The following ZNF106 variants were observed in gnomAD, a reference collection of about 807,000 sequenced individuals.
ZNF106 encodes SH3-domain binding protein 3.
In ZNF106, 67 loss-of-function variants were observed where a neutral mutation model predicts 195.1. The observed-to-expected ratio is 0.34, with a 90% CI of 0.28 to 0.42. ZNF106 has a LOEUF of 0.42. Among genes scored for constraint, ZNF106 ranks in the 10% least tolerant of loss-of-function variants. The probability of loss-of-function intolerance (pLI) is 1.00; values close to 1 mark genes in which losing one functional copy is unlikely to be tolerated. For missense variants in ZNF106, 2,118 were observed against 2,304.5 expected (o/e 0.92, Z 1.66); for synonymous variants, 784 against 818.6 (o/e 0.96, Z 0.72).
In ZNF106 at chr15:42,421,963, C is replaced by G; in HGVS notation, c.5399G>C (p.Gly1800Ala). The change falls in exon 19 of 22, where the codon GGA becomes GCA. Residue 1800 changes from glycine (G) to alanine (A), a missense_variant. Transcript: ENST00000564754. ...LQSHDRLQVYGGHKDMIMCMT... is the reference protein window; with the variant it reads ...LQSHDRLQVYAGHKDMIMCMT... Reference sequence around the variant, plus strand: ...ACACATAATCATGTCTTTGTGTCCTCCATAAACTTGTAATCGATCATGAGA... The same window carrying G: ...ACACATAATCATGTCTTTGTGTCCTGCATAAACTTGTAATCGATCATGAGA... The G allele has an allele frequency of 6.3e-7, 1 of 1,584,900 alleles. No individual in the cohort carries two copies. The highest frequency in any genetic ancestry group is 8.6e-7 in the Non-Finnish European group (1 of 1,163,922).
rs772820110 is a variant in ZNF106 at position 42,445,027 on chromosome 15, C to G, written c.3206-46G>C. 8.7e-6 allele frequency: 14 copies of G among 1,607,582 alleles called. No homozygotes were observed. The South Asian group carries it at 1.6e-4, about 18-fold the overall frequency. ...GTTCAGGTTAATACGAGAGATTTCCCTCTCATCACACAGCTCAGAAGACTA... is the reference window on the plus strand; with the variant it reads ...GTTCAGGTTAATACGAGAGATTTCCGTCTCATCACACAGCTCAGAAGACTA... On this transcript the variant is annotated intron_variant, in intron 7 of 21. Coordinates refer to ENST00000564754, the MANE Select transcript of ZNF106 (RefSeq NM_001366845.3).
At position 42,415,621 on chromosome 15, in the gene ZNF106, CAG is replaced by C. The variant is rs1030861286; in HGVS notation, c.*1681_*1682del. 5 of 359,816 alleles carry C rather than the reference CAG, an allele frequency of 1.4e-5. 1 individual carries two copies. Among genetic ancestry groups the C allele is most frequent in the South Asian group, 4.4e-5 (2 of 45,940 alleles). The allele number at this position is 359,816 out of a possible 1,614,324, so 22.3% of individuals were successfully genotyped here. A position where few individuals can be genotyped will look rare whatever the true frequency, so the allele number is the denominator to read the frequency against. On this transcript the variant is annotated 3_prime_UTR_variant, in exon 22 of 22. Coordinates refer to ENST00000564754, the MANE Select transcript of ZNF106 (RefSeq NM_001366845.3). Reference sequence around the variant, plus strand: ...ATGTGAGTGGATATATGTGCACTAACAGGGGCGAAGACAGACCTGGATGGTCT... The same window carrying C: ...ATGTGAGTGGATATATGTGCACTAACGGGCGAAGACAGACCTGGATGGTCT...
In ZNF106 at chr15:42,413,346, T is replaced by C. The variant is rs2054333410; in HGVS notation, c.*3958A>G. ...CTCTTAAACCCGAGGAACCTGATGA[T>C]TTGGGGGCAGGGATAAAACCATTAT... is the stretch of plus-strand genomic sequence containing the variant. On this transcript the variant is annotated 3_prime_UTR_variant, in exon 22 of 22. Transcript: ENST00000564754. The C allele has an allele frequency of 6.6e-6, 1 of 152,140 alleles. No homozygotes were observed. Among genetic ancestry groups the C allele is most frequent in the South Asian group, 2.1e-4 (1 of 4,824 alleles). The allele number at this position is 152,140 out of a possible 1,614,324, so 9.4% of individuals were successfully genotyped here.
chr15:42,484,555 C>A (rs2056968063), intron 1 of ZNF106, among the ~76,000 whole-genome samples: 1 of 151,952 alleles, frequency 6.6e-6, no homozygotes, highest in South Asian at 2.1e-4. Flanking sequence ...GCCTGGCCAA[C>A]ATAGTGAAAT....
In ZNF106 at chr15:42,439,374, A is replaced by C; in HGVS notation, c.4203T>G (p.Thr1401=). 6.2e-7 allele frequency: 1 copy of C among 1,614,100 alleles called. No homozygotes were observed. The change falls in exon 11 of 22, where the codon ACT becomes ACG. Residue 1401 remains threonine, a synonymous_variant. Transcript: ENST00000564754. ...CTTTTACTTTCCTTACAGGTTTAAC[A>C]GTCAAAACATCCTGTTCAGTGTCAC... ...ENSDTEQDVL[T]VKPVRKVKAG... is the part of the protein sequence containing the mutation.
chr15:42,428,850 A>G (rs1318655614), intron 14 of ZNF106, among the ~76,000 whole-genome samples: 4 of 151,230 alleles, frequency 2.6e-5, no homozygotes, highest in Non-Finnish European at 5.9e-5. Context: ...TGCAAGCTCC[A>G]CCTCCCCGGT....
Position 42,472,227 on chromosome 15 carries a change from C to G in ZNF106, c.54+9G>C. 1 of 1,534,066 alleles carries G rather than the reference C, an allele frequency of 6.5e-7. No homozygotes were observed. Among genetic ancestry groups the G allele is most frequent in the Non-Finnish European group, 8.7e-7 (1 of 1,145,896 alleles). On this transcript the variant is annotated intron_variant, in intron 2 of 21. Transcript: ENST00000564754. ...ATAAAGCCTCAGATTCTCCCTCTTC[C>G]ATTATTACCTTTTTTGAGCTGTACA...
chr15:42,424,986 G>A lies in ZNF106; in HGVS notation c.5038C>T (p.Arg1680Trp), dbSNP rs745440803. The change falls in exon 16 of 22, where the codon CGG (arginine) becomes TGG (tryptophan). Residue 1680 changes from arginine to tryptophan, a missense_variant. By Grantham distance (101) the Arg-to-Trp change is moderately radical (BLOSUM62 -3). Transcript: ENST00000564754. ...GCTGTAGCAAGACAGCTGACTGCCC[G>A]AGGGCCATGGCATTCAAAGATCTCA... ...RLEIFECHGP[R>W]AVSCLATAQE... The A allele has an allele frequency of 6.2e-6, 10 of 1,614,070 alleles. No individual in the cohort carries two copies. The highest frequency in any genetic ancestry group is 8.5e-6 in the Non-Finnish European group (10 of 1,180,050).
At chr15:42,452,076 G>C in intron 4 of ZNF106, 122 bp from the exon 5 acceptor site, 2 of 1,047,992 alleles carry the variant, frequency 1.9e-6, no homozygotes. Context: ...AACCGAGTCT[G>C]GTTTTATATC....
chr15:42,437,288 C>T lies in ZNF106; in HGVS notation c.4690G>A (p.Gly1564Arg), dbSNP rs1051422134. The change falls in exon 13 of 22, where the codon GGG becomes AGG. Residue 1564 changes from glycine (G) to arginine (R), a missense_variant. Transcript: ENST00000564754. ...QAAVNAIQIF[G>R]NLLYTCSADK... ...GCTGAACAGGTATATAGCAAGTTCC[C>T]AAATATCTGAATTGCATTTACGGCA... 6.2e-7 allele frequency: 1 copy of T among 1,614,102 alleles called. No individual in the cohort carries two copies. Among genetic ancestry groups the T allele is most frequent in the Admixed American group, 1.7e-5 (1 of 60,016 alleles).
chr15:42,457,624 A>T (rs1209718737), intron 3 of ZNF106: 1 of 788,404 alleles, frequency 1.3e-6, no homozygotes, highest in Non-Finnish European at 1.6e-6. Flanking sequence ...TAGGTGGCGC[A>T]GCCAATCCCA....
chr15:42,417,338 C>T lies in ZNF106; in HGVS notation c.5687G>A (p.Arg1896Gln), dbSNP rs2054493873. ...AATTTTGCTGTCATCTTCAGCATGT[C>T]GTTCAATATGTCCTGCAGCATCCTA... is the stretch of plus-strand genomic sequence containing the variant. ...SKQDAAGHIE[R>Q]HAEDDSKIDS The change falls in exon 22 of 22, where the codon CGA becomes CAA. Residue 1896 changes from arginine to glutamine, a missense_variant. Coordinates refer to ENST00000564754, the MANE Select transcript of ZNF106 (RefSeq NM_001366845.3). The T allele has an allele frequency of 1.2e-6, 2 of 1,614,006 alleles. No individual in the cohort carries two copies. Among genetic ancestry groups the T allele is most frequent in the Non-Finnish European group, 8.5e-7 (1 of 1,179,996 alleles).
chr15:42,451,609 A>T lies in ZNF106; in HGVS notation c.663T>A (p.Gly221=), dbSNP rs2056033477. The T allele has an allele frequency of 6.2e-7, 1 of 1,614,170 alleles. No homozygotes were observed. Among genetic ancestry groups the T allele is most frequent in the Non-Finnish European group, 8.5e-7 (1 of 1,180,032 alleles). ...NSGAVDWNHN[G]TGRNSSWLSE... ...AAAGCCAACTGGAATTCCTTCCTGT[A>T]CCATTATGATTCCAATCTACTGCTC... is the stretch of plus-strand genomic sequence containing the variant. Residue 221 remains glycine (G), a synonymous_variant, in exon 5 of 22, where the codon GGT becomes GGA. Coordinates refer to ENST00000564754, the MANE Select transcript of ZNF106 (RefSeq NM_001366845.3).
chr15:42,452,008 T>A (rs1019090621), intron 4 of ZNF106, 54 bp from the exon 5 acceptor site: 1 of 1,547,114 alleles, frequency 6.5e-7, no homozygotes, highest in African/African-American at 1.4e-5. Context: ...TATGCTACCT[T>A]GAAAGGCATA....
chr15:42,439,393 G>A lies in ZNF106; in HGVS notation c.4184C>T (p.Thr1395Ile). The change falls in exon 11 of 22, where the codon ACT (threonine) becomes ATT (isoleucine). Residue 1395 changes from threonine (T) to isoleucine (I), a missense_variant. Transcript: ENST00000564754. ...RAAHVPENSD[T>I]EQDVLTVKPV... Reference sequence around the variant, plus strand: ...TTTAACAGTCAAAACATCCTGTTCAGTGTCACTATTCTCAGGAACATGGGC... The same window carrying A: ...TTTAACAGTCAAAACATCCTGTTCAATGTCACTATTCTCAGGAACATGGGC... The A allele has an allele frequency of 1.2e-6, 2 of 1,614,100 alleles. No individual in the cohort carries two copies. Among genetic ancestry groups the A allele is most frequent in the Non-Finnish European group, 1.7e-6 (2 of 1,180,036 alleles).
chr15:42,474,989 G>A (rs1415636408), intron 1 of ZNF106, among the ~76,000 whole-genome samples: 1 of 152,056 alleles, frequency 6.6e-6, no homozygotes, highest in African/African-American at 2.4e-5. Context: ...TTAAAACTGT[G>A]ACATAATGAG....
chr15:42,470,701 A>G (rs2141418886), intron 2 of ZNF106, among the ~76,000 whole-genome samples: 1 of 152,306 alleles, frequency 6.6e-6, no homozygotes, highest in Non-Finnish European at 1.5e-5. Context: ...TGGTATCACA[A>G]GATAGGGCTG....
intron 20 of ZNF106, among the ~76,000 whole-genome samples, chr15:42,419,082 A>AT: frequency 6.6e-6 from 1 of 150,726 alleles, no homozygotes; most frequent in East Asian, 2.0e-4. Context: ...AAAAAAAAAA[A>AT]TACAGGCCGG....
At chr15:42,442,647 C>T (rs1373122617) in intron 9 of ZNF106, among the ~76,000 whole-genome samples, 2 of 139,572 alleles carry the variant, frequency 1.4e-5, no homozygotes, top group Admixed American at 7.3e-5. Flanking sequence ...GATAGGGTCT[C>T]GCTTTGTCAC....
Sources: allele counts gnomAD v4.1 joint callset (sites outside exome capture counted in the v4.1 genomes callset), GRCh38; gene constraint gnomAD v4.1.1; transcripts MANE v1.5; gene names NCBI Gene and HGNC (gene_info 2026-07-23, HGNC 2026-07-21).